EPHA1: variants seen among roughly 807,000 people sequenced by gnomAD.
EPHA1 encodes the protein EPH receptor A1, also known as ephrin type-A receptor 1.
In EPHA1, 92 loss-of-function variants were observed where a neutral mutation model predicts 110.1. The observed-to-expected ratio is 0.84, with a 90% CI of 0.71 to 0.99. EPHA1 has a LOEUF of 0.99. EPHA1 is among the 50% of genes least tolerant of loss of function. The pLI is 0.00. For missense variants in EPHA1, 1,204 were observed against 1,285.4 expected, an observed-to-expected ratio of 0.94 and a Z score of 0.97; for synonymous variants, 500 against 516.1, an observed-to-expected ratio of 0.97 and a Z score of 0.42.
chr7:143,393,537 GCA>G lies in EPHA1; in HGVS notation c.2696+132_2696+133del. On this transcript the variant is annotated intron_variant, in intron 16 of 17. Transcript: ENST00000275815. This position sits in a 1 kb window ranked among gnomAD's most constrained non-coding sequence, Gnocchi z 5.6. ...CTGACCTCTTGGACTCTCCCCAAGG[GCA>G]CGTCTTGCCTCATACACTGGACTTG... 1.1e-6 allele frequency: 1 copy of G among 944,382 alleles called. No individual in the cohort carries two copies. The highest frequency in any genetic ancestry group is 1.5e-6 in the Non-Finnish European group (1 of 645,448). The allele number at this position is 944,382 out of a possible 1,614,324, so 58.5% of individuals were successfully genotyped here.
chr7:143,396,612 CCT>C lies in EPHA1; in HGVS notation c.1772-104_1772-103del. The C allele has an allele frequency of 9.1e-6, 13 of 1,428,052 alleles. No homozygotes were observed. In the South Asian group the frequency reaches 1.6e-4, roughly 17 times the overall value. 88.5% of individuals were successfully genotyped at this position (1,428,052 alleles called of 1,614,324 possible). A position where few individuals can be genotyped will look rare whatever the true frequency, so the allele number is the denominator to read the frequency against. On this transcript the variant is annotated intron_variant, in intron 10 of 17. Transcript: ENST00000275815. ...CGGACCACACACTTCTCCACACCTCCCTGTTTCCCAAGGTGACTCCTGTTTGG... is the reference window on the plus strand; with the variant it reads ...CGGACCACACACTTCTCCACACCTCCGTTTCCCAAGGTGACTCCTGTTTGG...
Position 143,398,025 on chromosome 7 carries a change from T to TCAGC in EPHA1, c.1506_1509dup (p.Thr504AlafsTer7). 6.2e-7 allele frequency: 1 copy of TCAGC among 1,614,100 alleles called. No homozygotes were observed. The highest frequency in any genetic ancestry group is 1.3e-5 in the African/African-American group (1 of 75,022). ...TATGTGGTGTCAGGCTGCAGCTCTGTCAGCAAGACCCTGGGTTCTAGAACC... is the reference window on the plus strand; with the variant it reads ...TATGTGGTGTCAGGCTGCAGCTCTGTCAGCCAGCAAGACCCTGGGTTCTAGAACC... On this transcript the variant is annotated frameshift_variant, in exon 8 of 18. Transcript: ENST00000275815. LOFTEE classifies it high-confidence loss of function.
chr7:143,397,234 AAC>A (rs146724598), intron 10 of EPHA1, 68 bp downstream of exon 10: 3,425 of 1,396,874 alleles, frequency 2.5e-3, no homozygotes, highest in South Asian at 4.5e-3. Flanking sequence ...GGCATCTCCC[AAC>A]ACACACACAC....
At chr7:143,397,540 G>A (rs766683764) in intron 9 of EPHA1, 21 bp downstream of exon 9, 11 of 1,613,030 alleles carry the variant, frequency 6.8e-6, no homozygotes, top group South Asian at 2.2e-5. Flanking sequence ...TGGTGGTTGG[G>A]GAGGGGGCAG....
chr7:143,405,429 A>ATGTGCG, intron 2 of EPHA1, among the ~76,000 whole-genome samples: 1 of 108,824 alleles, frequency 9.2e-6, no homozygotes, highest in African/African-American at 3.3e-5. Flanking sequence ...CTGCGTGTGC[A>ATGTGCG]TGTGTGCGTG....
chr7:143,394,504 T>A (rs1309580227), intron 14 of EPHA1, among the ~76,000 whole-genome samples, 161 bp from the exon 15 acceptor site: 1 of 152,196 alleles, frequency 6.6e-6, no homozygotes, highest in Non-Finnish European at 1.5e-5. Flanking sequence ...CACTGCAACC[T>A]CCACCTCCCA....
At chr7:143,392,944 G>T (rs1273202837) in intron 16 of EPHA1, among the ~76,000 whole-genome samples, 1 of 151,774 alleles carries the variant, frequency 6.6e-6, no homozygotes, top group Non-Finnish European at 1.5e-5. Context: ...TCCGTCTCGG[G>T]GTGGAAAAAA....
At chr7:143,400,920 A>C in intron 3 of EPHA1, 1 of 199,650 alleles carries the variant, frequency 5.0e-6, no homozygotes, top group Non-Finnish European at 1.0e-5. Flanking sequence ...TAGAGACAGG[A>C]TCTTGCTCTG....
chr7:143,407,486 C>T (rs1805585238), intron 2 of EPHA1, 125 bp downstream of exon 2: 3 of 921,758 alleles, frequency 3.3e-6, no homozygotes, highest in African/African-American at 3.4e-5. Flanking sequence ...GCCTCCTCTC[C>T]CCCTCCCTGA....
At position 143,398,755 on chromosome 7, in the gene EPHA1, C is replaced by T. The variant is rs767132398; in HGVS notation, c.1182G>A (p.Pro394=). 325 of 1,613,852 alleles carry T rather than the reference C, an allele frequency of 2.0e-4. No individual in the cohort carries two copies. Among genetic ancestry groups the T allele is most frequent in the South Asian group, 5.0e-4 (46 of 91,090 alleles). The change falls in exon 6 of 18, where the codon CCG becomes CCA. Residue 394 remains proline (P), a synonymous_variant. Transcript: ENST00000275815. ...CAGGTGTGGTGAGCCCCCGGGCCCC[C>T]GGCGAGAAGTGCACGCCCACCCCAC... is the stretch of plus-strand genomic sequence containing the variant. ...QPCGVGVHFS[P]GARGLTTPAV...
Position 143,393,874 on chromosome 7 carries a change from G to A in EPHA1, c.2503-10C>T, listed in dbSNP as rs376047249. ...CAATGCTCTTCATAACCTGCACGGC[G>A]GGACAGGAGGATGCTCTAGAGTAGC... is the stretch of plus-strand genomic sequence containing the variant. On this transcript the variant is annotated splice_polypyrimidine_tract_variant and intron_variant, in intron 15 of 17. Coordinates refer to ENST00000275815, the MANE Select transcript of EPHA1 (RefSeq NM_005232.5). This position sits in a 1 kb window ranked among gnomAD's most constrained non-coding sequence, Gnocchi z 5.6. 22 of 1,533,226 alleles carry A rather than the reference G, an allele frequency of 1.4e-5. No homozygotes were observed. Among genetic ancestry groups the A allele is most frequent in the East Asian group, 4.5e-5 (2 of 43,970 alleles). The allele number at this position is 1,533,226 out of a possible 1,614,324, so 95.0% of individuals were successfully genotyped here.
intron 11 of EPHA1, among the ~76,000 whole-genome samples, 185 bp downstream of exon 11, chr7:143,396,200 T>G (rs759481010): frequency 6.6e-6 from 1 of 151,500 alleles, no homozygotes; most frequent in Non-Finnish European, 1.5e-5. Context: ...TGATGAGGGG[T>G]TTTTAACAAG....
rs1209190903 is a variant in EPHA1, at chr7:143,394,237, A to G, written c.2459T>C (p.Leu820Pro). 1.2e-6 allele frequency: 2 copies of G among 1,613,948 alleles called. No individual in the cohort carries two copies. Among genetic ancestry groups the G allele is most frequent in the Non-Finnish European group, 8.5e-7 (1 of 1,179,998 alleles). Residue 820 changes from leucine to proline, a missense_variant, in exon 15 of 18, where the codon CTG (leucine) becomes CCG (proline). Transcript: ENST00000275815. The stretch of plus-strand genomic sequence containing the variant: ...CCCATAAGGCTTGTCCCCAAAGCTC[A>G]GCACCTCCCACATCACAATCCCAAA... ...WSFGIVMWEV[L>P]SFGDKPYGEM...
rs773238741 is a variant in EPHA1, at chr7:143,398,798, C to A, written c.1139G>T (p.Gly380Val). 6.2e-7 allele frequency: 1 copy of A among 1,613,614 alleles called. No individual in the cohort carries two copies. The change falls in exon 6 of 18, where the codon GGG becomes GTG. Residue 380 changes from glycine (G) to valine (V), a missense_variant. Transcript: ENST00000275815. ...CACCCCACAGGGCTGGCAGGGCCCC[C>A]CGTCCTGTGCTGTGCCCTGACACTG... is the stretch of plus-strand genomic sequence containing the variant. ...CSQCQGTAQD[G>V]GPCQPCGVGV...
chr7:143,398,332 C>A lies in EPHA1; in HGVS notation c.1453G>T (p.Val485Leu), dbSNP rs144470322. 1.9e-6 allele frequency: 3 copies of A among 1,614,090 alleles called. No homozygotes were observed. Among genetic ancestry groups the A allele is most frequent in the Admixed American group, 1.7e-5 (1 of 60,014 alleles). ...PGANLTYELH[V>L]LNQDEERYQM... ...AGTAGCATCCTGACCTGGTTCAGCA[C>A]GTGCAGCTCATAGGTCAGGTTCGCC... is the stretch of plus-strand genomic sequence containing the variant. The change falls in exon 7 of 18, where the codon GTG (valine) becomes TTG (leucine). Residue 485 changes from valine to leucine, a missense_variant. Coordinates refer to ENST00000275815, the MANE Select transcript of EPHA1 (RefSeq NM_005232.5).
chr7:143,397,201 G>A (rs1805274590), intron 10 of EPHA1, 103 bp downstream of exon 10: 1 of 1,375,376 alleles, frequency 7.3e-7, no homozygotes. Flanking sequence ...CCTAGCAAAT[G>A]TGTCCCTTGA....
chr7:143,398,407 GTTCT>G lies in EPHA1; in HGVS notation c.1374_1377del (p.Lys458AsnfsTer5). The G allele has an allele frequency of 1.9e-6, 3 of 1,614,180 alleles. No individual in the cohort carries two copies. Among genetic ancestry groups the G allele is most frequent in the Non-Finnish European group, 2.5e-6 (3 of 1,180,012 alleles). On this transcript the variant is annotated frameshift_variant, in exon 7 of 18. Coordinates refer to ENST00000275815, the MANE Select transcript of EPHA1 (RefSeq NM_005232.5). LOFTEE classifies it high-confidence loss of function. ...GCCCAGGTCAGCTCTAGTTGCCTCG[GTTCT>G]TTCTTCACCAGTCTCAGAGACAGGC... is the stretch of plus-strand genomic sequence containing the variant.
At chr7:143,402,548 A>T (rs1024704534) in intron 2 of EPHA1, among the ~76,000 whole-genome samples, 2 of 152,164 alleles carry the variant, frequency 1.3e-5, no homozygotes, top group African/African-American at 4.8e-5. Context: ...ATGCACCACC[A>T]TGCCTGGCTA....
intron 7 of EPHA1, 30 bp downstream of exon 7, chr7:143,398,291 C>T (rs1332821924): frequency 3.1e-6 from 5 of 1,613,046 alleles, no homozygotes; most frequent in Admixed American, 1.7e-5. Flanking sequence ...GGCATGGACA[C>T]TGAAGACCAT....
Sources: gnomAD v4.1 joint callset for allele counts (sites outside exome capture counted in the v4.1 genomes callset) on GRCh38, gnomAD v4.1.1 for gene constraint, Gnocchi (gnomAD v3.1) non-coding constraint, MANE v1.5 for transcripts, NCBI Gene and HGNC (gene_info 2026-07-23, HGNC 2026-07-21) for gene names.